Variants in SLC35F1 observed in about 807,000 individuals in gnomAD.
The protein encoded by SLC35F1 is chromosome 6 open reading frame 169.
Under a neutral mutation model 48.7 loss-of-function variants are expected in SLC35F1, and 14 were observed. The ratio of observed to expected loss-of-function variants is 0.29; its 90% CI spans 0.19 to 0.45. The LOEUF is 0.45. Among genes scored for constraint, SLC35F1 ranks in the 20% least tolerant of loss-of-function variants. The pLI is 1.00. For synonymous variants in SLC35F1, 190 were observed against 202.2 expected (o/e 0.94, Z 0.51); for missense variants, 404 against 500.0 (o/e 0.81, Z 1.83).
intron 1 of SLC35F1, among the ~76,000 whole-genome samples, chr6:117,955,020 T>G (rs1776411268): frequency 6.6e-6 from 1 of 152,248 alleles, no homozygotes; most frequent in Non-Finnish European, 1.5e-5. Flanking sequence ...AACTTCACCA[T>G]GTATTCCTAG....
chr6:117,982,527 A>G (rs1776793556), intron 1 of SLC35F1, among the ~76,000 whole-genome samples: 1 of 152,272 alleles, frequency 6.6e-6, no homozygotes, highest in African/African-American at 2.4e-5. Context: ...TGACAACAGC[A>G]TTCAGAACAT....
intron 1 of SLC35F1, among the ~76,000 whole-genome samples, chr6:118,045,357 G>A (rs963641288): frequency 6.6e-6 from 1 of 152,094 alleles, no homozygotes; most frequent in East Asian, 1.9e-4. Flanking sequence ...AAGGTCTCAG[G>A]TCAAGTTCAC....
At chr6:117,999,151 C>T (rs1777046854) in intron 1 of SLC35F1, 2 of 1,593,390 alleles carry the variant, frequency 1.3e-6, no homozygotes, top group Middle Eastern at 1.8e-4. Flanking sequence ...AGATGCAGGC[C>T]AACAATGCCA....
At chr6:118,187,090 A>C (rs965665662) in intron 2 of SLC35F1, among the ~76,000 whole-genome samples, 4 of 152,210 alleles carry the variant, frequency 2.6e-5, no homozygotes, top group African/African-American at 9.7e-5. Flanking sequence ...AATGTGTACA[A>C]GTTGTGATTT....
intron 3 of SLC35F1, among the ~76,000 whole-genome samples, chr6:118,265,461 A>C (rs1775760424): frequency 6.6e-6 from 1 of 152,188 alleles, no homozygotes; most frequent in African/African-American, 2.4e-5. Context: ...ACAGGACTCG[A>C]CCTAGCCTGG....
intron 1 of SLC35F1, among the ~76,000 whole-genome samples, chr6:118,047,696 A>G (rs1241626587): frequency 6.6e-6 from 1 of 152,188 alleles, no homozygotes; most frequent in African/African-American, 2.4e-5. Context: ...CTAGTAATCA[A>G]AATTTAAAAC....
intron 6 of SLC35F1, 70 bp downstream of exon 6, chr6:118,277,616 C>G: frequency 7.3e-7 from 1 of 1,371,162 alleles, no homozygotes; most frequent in Non-Finnish European, 1.0e-6. Context: ...TGATGTGGGT[C>G]GGGTGGAGCA....
chr6:118,040,834 T>A (rs1374117093), intron 1 of SLC35F1, among the ~76,000 whole-genome samples: 2 of 151,752 alleles, frequency 1.3e-5, no homozygotes, highest in Non-Finnish European at 2.9e-5. Context: ...GTCTGGAGTG[T>A]GAACACTTTT....
chr6:118,027,221 T>G (rs983879512), intron 1 of SLC35F1, among the ~76,000 whole-genome samples: 1 of 152,190 alleles, frequency 6.6e-6, no homozygotes, highest in African/African-American at 2.4e-5. Context: ...TTCCCAGCTT[T>G]TGGCAGTTGT....
intron 1 of SLC35F1, among the ~76,000 whole-genome samples, chr6:117,977,608 A>G (rs1036923785): frequency 1.3e-5 from 2 of 151,796 alleles, no homozygotes; most frequent in Admixed American, 6.6e-5. Flanking sequence ...GGTGTAAAAG[A>G]TTTTATCTTC....
At chr6:118,198,192 G>T (rs1774827767) in intron 2 of SLC35F1, among the ~76,000 whole-genome samples, 1 of 152,096 alleles carries the variant, frequency 6.6e-6, no homozygotes, top group Non-Finnish European at 1.5e-5. Context: ...AACATGCTTT[G>T]TTTTTGCAAG....
intron 1 of SLC35F1, among the ~76,000 whole-genome samples, chr6:118,013,885 A>C (rs1777285093): frequency 6.6e-6 from 1 of 152,182 alleles, no homozygotes; most frequent in Non-Finnish European, 1.5e-5. Flanking sequence ...GTCACACTAC[A>C]TGCTGTGTGC....
At chr6:118,149,213 A>G (rs924100932) in intron 1 of SLC35F1, among the ~76,000 whole-genome samples, 2 of 152,166 alleles carry the variant, frequency 1.3e-5, no homozygotes, top group African/African-American at 4.8e-5. Flanking sequence ...GGCTAAACAG[A>G]GGGTCTCTGA....
chr6:117,989,788 A>T (rs1304339961), intron 1 of SLC35F1, among the ~76,000 whole-genome samples: 1 of 152,218 alleles, frequency 6.6e-6, no homozygotes, highest in Admixed American at 6.5e-5. Flanking sequence ...AAAGAATGCT[A>T]GTAAAGCTTT....
intron 1 of SLC35F1, among the ~76,000 whole-genome samples, chr6:118,060,212 G>A (rs1030426255): frequency 4.6e-5 from 7 of 152,108 alleles, no homozygotes; most frequent in Non-Finnish European, 8.8e-5. Flanking sequence ...ACTAATAGAT[G>A]CCAAATACAA....
chr6:117,914,164 G>A (rs1242781420), intron 1 of SLC35F1, among the ~76,000 whole-genome samples: 2 of 148,318 alleles, frequency 1.3e-5, no homozygotes, highest in African/African-American at 5.0e-5. Context: ...ATACACACAC[G>A]TGTATATGTG....
chr6:118,188,054 G>A (rs1179081189), intron 2 of SLC35F1, among the ~76,000 whole-genome samples: 1 of 152,174 alleles, frequency 6.6e-6, no homozygotes, highest in Non-Finnish European at 1.5e-5. Context: ...TAATGCTATG[G>A]GGTCACTTAG....
At position 117,914,053 on chromosome 6, in the gene SLC35F1, A is replaced by G. The variant is rs192949868; in HGVS notation, c.173+6154A>G. Among the ~76,000 whole-genome samples the G allele has an allele frequency of 1.1e-3, 161 of 152,216 alleles. 1 individual carries two copies. Among genetic ancestry groups the G allele is most frequent in the African/African-American group, 3.8e-3 (156 of 41,532 alleles). On this transcript the variant is annotated intron_variant, in intron 1 of 7. Transcript: ENST00000360388. ...GCAACAGAGTGAAACTCCATCTCAA[A>G]AAAATCCCCCCAAAAACAAAAACAA...
chr6:118,183,356 C>A (rs1243544859), intron 2 of SLC35F1, among the ~76,000 whole-genome samples: 1 of 152,054 alleles, frequency 6.6e-6, no homozygotes, highest in Non-Finnish European at 1.5e-5. Context: ...CCACATTTTT[C>A]TTGGTGCTAA....
Sources: gnomAD v4.1 joint callset for allele counts (sites outside exome capture counted in the v4.1 genomes callset) on GRCh38, gnomAD v4.1.1 for gene constraint, MANE v1.5 for transcripts, NCBI Gene and HGNC (gene_info 2026-07-23, HGNC 2026-07-21) for gene names.